The following DCBLD2 variants were observed in gnomAD, a reference collection of about 807,000 sequenced individuals.
The protein encoded by DCBLD2 is discoidin, CUB and LCCL domain-containing protein 2.
Under a neutral mutation model 86.8 loss-of-function variants are expected in DCBLD2, and 54 were observed. The ratio of observed to expected loss-of-function variants is 0.62; its 90% CI spans 0.50 to 0.78. The LOEUF (loss-of-function observed/expected upper bound fraction) is 0.78. Among genes scored for constraint, DCBLD2 ranks in the 30% least tolerant of loss-of-function variants. DCBLD2 has a pLI of 0.00. For missense variants in DCBLD2, 908 were observed against 954.2 expected, an observed-to-expected ratio of 0.95 and a Z score of 0.64; for synonymous variants, 354 against 341.3, an observed-to-expected ratio of 1.04 and a Z score of -0.41.
chr3:98,850,043 T>C (rs1942805339), intron 2 of DCBLD2, among the ~76,000 whole-genome samples: 1 of 152,208 alleles, frequency 6.6e-6, no homozygotes, highest in African/African-American at 2.4e-5. Flanking sequence ...TCAATTTTAC[T>C]TCTGAGGGTT....
intron 3 of DCBLD2, among the ~76,000 whole-genome samples, chr3:98,826,310 G>A (rs1211755870): frequency 6.6e-6 from 1 of 152,178 alleles, no homozygotes; most frequent in Non-Finnish European, 1.5e-5. Context: ...TACCTGCCTT[G>A]GCTTCTCGCC....
chr3:98,839,144 C>CTTCCTTCCTTCTTTCTTTCTTTCTTTCT lies in DCBLD2; in HGVS notation c.571+10316_571+10317insAGAAAGAAAGAAAGAAAGAAGGAAGGAA, dbSNP rs1491105632. ...TTTTCTTTCTTTCCTTCCTTCCTTC[C>CTTCCTTCCTTCTTTCTTTCTTTCTTTCT]TTCTTTCTTTCTTTCTTTCTTTCTT... is the stretch of plus-strand genomic sequence containing the variant. On this transcript the variant is annotated intron_variant, in intron 3 of 15. Transcript: ENST00000326840. 7.2e-5 allele frequency among the ~76,000 whole-genome samples: 8 copies of CTTCCTTCCTTCTTTCTTTCTTTCTTTCT among 111,044 alleles called. No individual in the cohort carries two copies. In the East Asian group the frequency reaches 8.9e-4, roughly 12 times the overall value. 72.8% of individuals were successfully genotyped at this position (111,044 alleles called of 152,430 possible).
intron 1 of DCBLD2, among the ~76,000 whole-genome samples, chr3:98,899,784 G>A (rs1313140332): frequency 6.6e-6 from 1 of 152,116 alleles, no homozygotes; most frequent in Non-Finnish European, 1.5e-5. Flanking sequence ...AACTATCTCA[G>A]CTGATTGTAG....
rs1239976512 is a variant in DCBLD2, at chr3:98,870,735, GAAAAAGA to G, written c.433+10798_433+10804del. 3.8e-4 allele frequency among the ~76,000 whole-genome samples: 23 copies of G among 60,210 alleles called. No individual in the cohort carries two copies. In the South Asian group the frequency reaches 0.011, roughly 30 times the overall value. The allele number at this position is 60,210 out of a possible 152,430, so 39.5% of individuals were successfully genotyped here. On this transcript the variant is annotated intron_variant, in intron 2 of 15. Coordinates refer to ENST00000326840, the MANE Select transcript of DCBLD2 (RefSeq NM_080927.4). ...GAAAGAAAAAGGAAAAGAAAAGAAA[GAAAAAGA>G]AAGAAAGAAAGAAAGAAAGAAAGAA...
chr3:98,855,114 G>A (rs549805475), intron 2 of DCBLD2, among the ~76,000 whole-genome samples: 7 of 152,172 alleles, frequency 4.6e-5, no homozygotes, highest in African/African-American at 1.2e-4. Context: ...CCCATTACCC[G>A]AATATATACA....
rs1320276641 is a variant in DCBLD2, at chr3:98,850,474, T to C, written c.434-876A>G. 2.6e-5 allele frequency among the ~76,000 whole-genome samples: 4 copies of C among 152,264 alleles called. 1 individual carries two copies. Among genetic ancestry groups the C allele is most frequent in the South Asian group, 4.1e-4 (2 of 4,826 alleles). ...TTGGACAAGCTTGGTCTATCAGATA[T>C]ATAAAAAATAACATATCCTCAGTAC... On this transcript the variant is annotated intron_variant, in intron 2 of 15. Coordinates refer to ENST00000326840, the MANE Select transcript of DCBLD2 (RefSeq NM_080927.4).
intron 2 of DCBLD2, among the ~76,000 whole-genome samples, chr3:98,852,739 A>C (rs1263008465): frequency 6.6e-6 from 1 of 152,228 alleles, no homozygotes; most frequent in East Asian, 1.9e-4. Flanking sequence ...GGAAGAATGC[A>C]AACATCTATG....
chr3:98,860,889 G>A (rs1179599977), intron 2 of DCBLD2, among the ~76,000 whole-genome samples: 1 of 152,154 alleles, frequency 6.6e-6, no homozygotes, highest in Non-Finnish European at 1.5e-5. Context: ...AACCTTAAAT[G>A]TAAATGGGCT....
In DCBLD2 at chr3:98,849,874, C is replaced by T. The variant is rs190159198; in HGVS notation, c.434-276G>A. Among the ~76,000 whole-genome samples the T allele has an allele frequency of 1.2e-3, 135 of 114,004 alleles. 4 individuals are homozygous for T. Among genetic ancestry groups the T allele is most frequent in the Non-Finnish European group, 2.7e-4 (15 of 55,448 alleles). 74.8% of individuals were successfully genotyped at this position (114,004 alleles called of 152,430 possible). Reference sequence around the variant, plus strand: ...GAAAGACATGTATACTCTTTCAAAACAATAATGAGGGACTAAAAAAAAAAT... The same window carrying T: ...GAAAGACATGTATACTCTTTCAAAATAATAATGAGGGACTAAAAAAAAAAT... On this transcript the variant is annotated intron_variant, in intron 2 of 15. Transcript: ENST00000326840.
intron 1 of DCBLD2, among the ~76,000 whole-genome samples, chr3:98,888,093 C>A (rs994470694): frequency 4.6e-5 from 7 of 151,968 alleles, no homozygotes; most frequent in Admixed American, 1.3e-4. Context: ...GTAGCCTTTT[C>A]GGATTGGCTG....
chr3:98,867,358 T>C (rs879692502), intron 2 of DCBLD2, among the ~76,000 whole-genome samples: 13 of 152,200 alleles, frequency 8.5e-5, no homozygotes, highest in Non-Finnish European at 4.4e-5. Context: ...GTTCTTCCAT[T>C]TGTGTCCTCT....
At chr3:98,849,422 T>C in intron 3 of DCBLD2, 39 bp downstream of exon 3, 4 of 1,612,480 alleles carry the variant, frequency 2.5e-6, no homozygotes, top group Non-Finnish European at 3.4e-6. Flanking sequence ...TTGTTAGAAA[T>C]TACAAACTGT....
At chr3:98,875,337 A>C (rs769805901) in intron 2 of DCBLD2, among the ~76,000 whole-genome samples, 1 of 152,234 alleles carries the variant, frequency 6.6e-6, no homozygotes, top group Non-Finnish European at 1.5e-5. Flanking sequence ...TAAGATGTTA[A>C]GGATTAAGTT....
chr3:98,901,007 C>G, intron 1 of DCBLD2, 115 bp downstream of exon 1: 1 of 1,501,536 alleles, frequency 6.7e-7, no homozygotes, highest in Non-Finnish European at 8.9e-7. Context: ...CAGGTCCGGC[C>G]ACGCACGAAA....
At chr3:98,890,887 G>T (rs531665856) in intron 1 of DCBLD2, among the ~76,000 whole-genome samples, 1 of 152,080 alleles carries the variant, frequency 6.6e-6, no homozygotes, top group East Asian at 1.9e-4. Flanking sequence ...AAGCTCCAAA[G>T]TCTTCAATCT....
rs1048736791 is a variant in DCBLD2 at position 98,797,510 on chromosome 3, A to T, written c.*1862T>A. On this transcript the variant is annotated 3_prime_UTR_variant, in exon 16 of 16. Coordinates refer to ENST00000326840, the MANE Select transcript of DCBLD2 (RefSeq NM_080927.4). The stretch of plus-strand genomic sequence containing the variant: ...TTGCTCTCTTCCCACCTGAAAAGGG[A>T]TGACTGCATTAATATATGTGCTTTC... 1.3e-5 allele frequency: 2 copies of T among 152,622 alleles called. No individual in the cohort carries two copies. The highest frequency in any genetic ancestry group is 2.4e-5 in the African/African-American group (1 of 41,466). 9.5% of individuals were successfully genotyped at this position (152,622 alleles called of 1,614,324 possible).
chr3:98,835,717 TTTTTG>T (rs1942427874), intron 3 of DCBLD2, among the ~76,000 whole-genome samples: 1 of 148,770 alleles, frequency 6.7e-6, no homozygotes, highest in Non-Finnish European at 1.5e-5. Context: ...GCCTGGCTAA[TTTTTG>T]TATTTTTAGT....
Position 98,797,977 on chromosome 3 carries a change from T to A in DCBLD2, c.*1395A>T, listed in dbSNP as rs138443323. ...TGAGCTGCTCATGTCGTCTTGACAG[T>A]CTGAAGGCTTTAAAAGATGGTTTTA... On this transcript the variant is annotated 3_prime_UTR_variant, in exon 16 of 16. Transcript: ENST00000326840. 94 of 152,356 alleles carry A rather than the reference T, an allele frequency of 6.2e-4. No individual in the cohort carries two copies. Among genetic ancestry groups the A allele is most frequent in the African/African-American group, 2.1e-3 (86 of 41,576 alleles). The allele number at this position is 152,356 out of a possible 1,614,324, so 9.4% of individuals were successfully genotyped here.
At chr3:98,870,795 A>AAG (rs1335669154) in intron 2 of DCBLD2, among the ~76,000 whole-genome samples, 2 of 149,458 alleles carry the variant, frequency 1.3e-5, no homozygotes, top group East Asian at 2.0e-4. Flanking sequence ...GAAAGAAAGA[A>AAG]AGAAAGAAAG....
Sources: gnomAD v4.1 joint callset for allele counts (sites outside exome capture counted in the v4.1 genomes callset) on GRCh38, gnomAD v4.1.1 for gene constraint, MANE v1.5 for transcripts, NCBI Gene and HGNC (gene_info 2026-07-23, HGNC 2026-07-21) for gene names.